The following GRIA4 variants were observed in gnomAD, a reference collection of about 807,000 sequenced individuals.
GRIA4 encodes the protein glutamate ionotropic receptor AMPA type subunit 4, also known as glutamate receptor 4.
Under a neutral mutation model 104.0 loss-of-function variants are expected in GRIA4, and 34 were observed. The observed-to-expected ratio is 0.33, with a 90% confidence interval of 0.25 to 0.44. The LOEUF is 0.44. GRIA4 is among the 20% of genes least tolerant of loss of function. GRIA4 has a pLI of 1.00. For missense variants in GRIA4, 750 were observed against 1,096.5 expected, an observed-to-expected ratio of 0.68 and a Z score of 4.46; for synonymous variants, 386 against 381.9, an observed-to-expected ratio of 1.01 and a Z score of -0.13.
At chr11:105,626,396 T>C (rs528012145) in intron 3 of GRIA4, among the ~76,000 whole-genome samples, 66 of 152,282 alleles carry the variant, frequency 4.3e-4, no homozygotes, top group Non-Finnish European at 8.2e-4. Context: ...TTAACCTTAA[T>C]AGTCAGAGAA....
rs575587799 is a variant in GRIA4 at position 105,665,982 on chromosome 11, A to T, written c.247+53548A>T. 3.8e-3 allele frequency among the ~76,000 whole-genome samples: 573 copies of T among 152,164 alleles called. 7 individuals carry two copies. Among genetic ancestry groups the T allele is most frequent in the Middle Eastern group, 0.01 (3 of 294 alleles). On this transcript the variant is annotated intron_variant, in intron 3 of 16. Coordinates refer to ENST00000282499, the MANE Select transcript of GRIA4 (RefSeq NM_000829.4). ...TACTATTCATACCTTTCAGCTGGAC[A>T]GGGAATAACTAGTGATCAGTCAAAT...
chr11:105,619,402 G>C (rs1427510195), intron 3 of GRIA4, among the ~76,000 whole-genome samples: 3 of 151,850 alleles, frequency 2.0e-5, no homozygotes, highest in Non-Finnish European at 4.4e-5. Flanking sequence ...GAAATTGTAT[G>C]TCTGAGCCAA....
chr11:105,908,622 A>AAT (rs1446434757), intron 9 of GRIA4, among the ~76,000 whole-genome samples: 3 of 152,124 alleles, frequency 2.0e-5, no homozygotes, highest in Admixed American at 2.0e-4. Flanking sequence ...GCCAAAAAAA[A>AAT]AAATAAAGTT....
chr11:105,827,179 T>C (rs1943802240), intron 4 of GRIA4, among the ~76,000 whole-genome samples: 1 of 152,010 alleles, frequency 6.6e-6, no homozygotes, highest in Admixed American at 6.6e-5. Flanking sequence ...AATCATAAAG[T>C]GAAAATGATT....
intron 3 of GRIA4, among the ~76,000 whole-genome samples, chr11:105,645,123 G>C (rs746806203): frequency 3.3e-5 from 5 of 152,154 alleles, no homozygotes; most frequent in African/African-American, 4.8e-5. Flanking sequence ...AATCAGGAAG[G>C]GTGGTGAGAA....
rs1248759960 is a variant in GRIA4 at position 105,644,352 on chromosome 11, G to T, written c.247+31918G>T. Among the ~76,000 whole-genome samples the T allele has an allele frequency of 2.0e-5, 3 of 152,034 alleles. No individual in the cohort carries two copies. In the East Asian group the frequency reaches 5.8e-4, roughly 30 times the overall value. The stretch of plus-strand genomic sequence containing the variant: ...TCGCGCCTGTAATCCCAGCACTTTG[G>T]GACGCCAAGGTGGGGAACTGCTTGA... On this transcript the variant is annotated intron_variant, in intron 3 of 16. Transcript: ENST00000282499.
At chr11:105,967,257 C>A (rs1488336867) in intron 14 of GRIA4, among the ~76,000 whole-genome samples, 4 of 151,934 alleles carry the variant, frequency 2.6e-5, no homozygotes, top group African/African-American at 9.7e-5. Context: ...ATAATGAAGT[C>A]CCATTTTAGC....
intron 4 of GRIA4, among the ~76,000 whole-genome samples, chr11:105,802,775 G>GA (rs34574241): frequency 0.68 from 103,330 of 151,300 alleles, 35,590 homozygotes; most frequent in African/African-American, 0.78. Flanking sequence ...TTATGTCATT[G>GA]AAAAAAACAA....
At chr11:105,863,475 C>T (rs1170737349) in intron 5 of GRIA4, among the ~76,000 whole-genome samples, 2 of 151,756 alleles carry the variant, frequency 1.3e-5, no homozygotes, top group Non-Finnish European at 2.9e-5. Context: ...CGGGCTTATT[C>T]CTAAGAGAGT....
intron 3 of GRIA4, among the ~76,000 whole-genome samples, chr11:105,661,995 GTGTGTGTGTGTT>G (rs921857106): frequency 1.2e-5 from 1 of 81,694 alleles, no homozygotes; most frequent in African/African-American, 4.5e-5. Context: ...AGAAAACTGT[GTGTGTGTGTGTT>G]TGTGTGTGTG....
chr11:105,975,031 G>A (rs1197911483), intron 16 of GRIA4: 8 of 157,316 alleles, frequency 5.1e-5, no homozygotes, highest in Admixed American at 1.8e-4. Context: ...CCAAGGTACA[G>A]AGTATGTGCT....
chr11:105,860,413 T>C (rs1171246548), intron 4 of GRIA4, among the ~76,000 whole-genome samples: 1 of 152,144 alleles, frequency 6.6e-6, no homozygotes, highest in Non-Finnish European at 1.5e-5. Flanking sequence ...GTTTTAAATC[T>C]TCACTTTTAA....
intron 3 of GRIA4, among the ~76,000 whole-genome samples, chr11:105,632,555 G>A (rs999324206): frequency 1.3e-5 from 2 of 152,148 alleles, no homozygotes; most frequent in African/African-American, 2.4e-5. Context: ...TTGAGTTTCA[G>A]AGTCTAAGTT....
intron 5 of GRIA4, among the ~76,000 whole-genome samples, chr11:105,881,879 A>G (rs1344444186): frequency 6.9e-6 from 1 of 145,730 alleles, no homozygotes; most frequent in Admixed American, 6.9e-5. Flanking sequence ...GAAGTACTTT[A>G]TTTTTCCCAC....
intron 3 of GRIA4, among the ~76,000 whole-genome samples, chr11:105,731,500 A>G (rs1938584514): frequency 6.6e-6 from 1 of 152,192 alleles, no homozygotes; most frequent in Non-Finnish European, 1.5e-5. Context: ...TACAAATACC[A>G]TTTGACCCAG....
Position 105,736,654 on chromosome 11 carries a change from ACTT to A in GRIA4, c.248-16323_248-16321del, listed in dbSNP as rs1025178598. Among the ~76,000 whole-genome samples the A allele has an allele frequency of 3.3e-5, 5 of 152,126 alleles. No individual in the cohort carries two copies. The South Asian group carries it at 8.3e-4, about 25-fold the overall frequency. On this transcript the variant is annotated intron_variant, in intron 3 of 16. Transcript: ENST00000282499. ...ATTTTACTTTAGATGCAATGATTAA[ACTT>A]CTTTTTATTGTATTAGCTACAAAAT...
intron 5 of GRIA4, among the ~76,000 whole-genome samples, chr11:105,886,678 A>AC (rs1176457714): frequency 1.3e-5 from 2 of 152,144 alleles, no homozygotes; most frequent in African/African-American, 4.8e-5. Flanking sequence ...CGTACCTGAA[A>AC]ATTGTGGCTT....
intron 4 of GRIA4, among the ~76,000 whole-genome samples, chr11:105,772,498 A>G (rs763108680): frequency 2.6e-5 from 4 of 152,086 alleles, no homozygotes; most frequent in Non-Finnish European, 4.4e-5. Context: ...TTTTCTCTTT[A>G]TTGAAAGAAT....
At chr11:105,694,843 A>G (rs1367153998) in intron 3 of GRIA4, among the ~76,000 whole-genome samples, 1 of 152,194 alleles carries the variant, frequency 6.6e-6, no homozygotes, top group African/African-American at 2.4e-5. Context: ...TACACTAGCC[A>G]CATTTCAAGT....
Sources: allele counts gnomAD v4.1 joint callset (sites outside exome capture counted in the v4.1 genomes callset), GRCh38; gene constraint gnomAD v4.1.1; transcripts MANE v1.5; gene names NCBI Gene and HGNC (gene_info 2026-07-23, HGNC 2026-07-21).